The following EPHA4 variants were observed in gnomAD, a reference collection of about 807,000 sequenced individuals.
The protein encoded by EPHA4 is EPH receptor A4.
In EPHA4, 19 loss-of-function variants were observed where a neutral mutation model predicts 108.3. The observed-to-expected ratio is 0.18, with a 90% CI of 0.12 to 0.26. The LOEUF is 0.26. Ranked by LOEUF, EPHA4 falls within the 10% of genes least tolerant of loss-of-function variation. EPHA4 has a pLI of 1.00. For missense variants in EPHA4, 917 were observed against 1,254.0 expected, an observed-to-expected ratio of 0.73 and a Z score of 4.06; for synonymous variants, 449 against 455.5, an observed-to-expected ratio of 0.99 and a Z score of 0.18.
chr2:221,430,806 A>C (rs1690051219), intron 14 of EPHA4, among the ~76,000 whole-genome samples: 2 of 152,212 alleles, frequency 1.3e-5, no homozygotes, highest in Admixed American at 6.5e-5. Flanking sequence ...AAAAAGTAAA[A>C]AACAATTAAA....
intron 3 of EPHA4, among the ~76,000 whole-genome samples, chr2:221,546,492 T>G (rs1017588673): frequency 1.6e-4 from 24 of 152,068 alleles, no homozygotes; most frequent in African/African-American, 5.1e-4. Flanking sequence ...CCCCTCCACC[T>G]CTTCCCATCT....
chr2:221,573,687 A>G (rs1440231933), upstream of EPHA4: 1 of 152,028 alleles, frequency 6.6e-6, no homozygotes, highest in African/African-American at 2.4e-5. The surrounding 1 kb of genome is among the most constrained non-coding windows in gnomAD (Gnocchi z 4.5). Flanking sequence ...TCGTGAGCCA[A>G]CCGCGCCACC....
intron 3 of EPHA4, among the ~76,000 whole-genome samples, chr2:221,547,589 G>A (rs1694035289): frequency 6.6e-6 from 1 of 152,190 alleles, no homozygotes; most frequent in African/African-American, 2.4e-5. Context: ...AATAACACAA[G>A]GGCCACCCAT....
At chr2:221,523,565 G>T (rs1693236331) in intron 3 of EPHA4, among the ~76,000 whole-genome samples, 2 of 151,420 alleles carry the variant, frequency 1.3e-5, no homozygotes. Flanking sequence ...GAGATTACAA[G>T]CATGAGCCAC....
intron 3 of EPHA4, among the ~76,000 whole-genome samples, chr2:221,515,132 G>A (rs896140863): frequency 3.3e-5 from 5 of 152,160 alleles, no homozygotes; most frequent in Non-Finnish European, 7.3e-5. Flanking sequence ...TTTTGCTCTT[G>A]TTGGCCAGGC....
At chr2:221,559,699 T>G (rs1021017888) in intron 3 of EPHA4, among the ~76,000 whole-genome samples, 1 of 152,212 alleles carries the variant, frequency 6.6e-6, no homozygotes, top group Non-Finnish European at 1.5e-5. Flanking sequence ...CGGAAGGAGA[T>G]GTCTGAAGTG....
chr2:221,489,859 A>G (rs982467016), intron 4 of EPHA4, among the ~76,000 whole-genome samples: 6 of 152,090 alleles, frequency 3.9e-5, no homozygotes, highest in Admixed American at 2.6e-4. Flanking sequence ...CCATAGCACT[A>G]TGGCTGAGCA....
intron 15 of EPHA4, among the ~76,000 whole-genome samples, chr2:221,429,232 G>A (rs1690000821): frequency 6.6e-6 from 1 of 152,154 alleles, no homozygotes; most frequent in South Asian, 2.1e-4. Flanking sequence ...TCTTATACCA[G>A]TAAAGTCCAT....
chr2:221,436,755 C>T (rs1185569931), intron 12 of EPHA4, 147 bp from the exon 13 acceptor site: 10 of 852,350 alleles, frequency 1.2e-5, no homozygotes, highest in Middle Eastern at 2.5e-4. Flanking sequence ...TGACCAAAGT[C>T]GCTAATTCAC....
intron 5 of EPHA4, among the ~76,000 whole-genome samples, chr2:221,480,430 T>C (rs951548886): frequency 6.6e-6 from 1 of 152,198 alleles, no homozygotes; most frequent in Non-Finnish European, 1.5e-5. Context: ...CTCCAGATGG[T>C]GCAGAAATCG....
rs536220822 is a variant in EPHA4 at position 221,533,793 on chromosome 2, G to T, written c.823+29938C>A. Among the ~76,000 whole-genome samples the T allele has an allele frequency of 2.2e-5, 3 of 137,630 alleles. No individual in the cohort carries two copies. In the South Asian group the frequency reaches 7.2e-4, roughly 33 times the overall value. 90.3% of individuals were successfully genotyped at this position (137,630 alleles called of 152,430 possible). On this transcript the variant is annotated intron_variant, in intron 3 of 17. Coordinates refer to ENST00000281821, the MANE Select transcript of EPHA4 (RefSeq NM_004438.5). ...ATTCAGATTATAAAGATCAGAGAGA[G>T]AATCTCTCCCTTATGAAAATCCAAA...
intron 1 of EPHA4, chr2:221,569,404 TTCTC>T (rs200655480): frequency 6.7e-6 from 1 of 148,184 alleles, no homozygotes; most frequent in African/African-American, 2.4e-5. Flanking sequence ...ACCGAAAGTA[TTCTC>T]TCTTTCTCAA....
chr2:221,550,983 T>G (rs996651282), intron 3 of EPHA4, among the ~76,000 whole-genome samples: 1 of 152,076 alleles, frequency 6.6e-6, no homozygotes, highest in African/African-American at 2.4e-5. Context: ...AATATGATAT[T>G]AAGAAAATAG....
intron 8 of EPHA4, among the ~76,000 whole-genome samples, chr2:221,450,875 A>T (rs1256430436): frequency 1.3e-5 from 2 of 152,166 alleles, no homozygotes; most frequent in Non-Finnish European, 2.9e-5. Flanking sequence ...CTATTCTTGT[A>T]TTCTAGACTT....
intron 3 of EPHA4, among the ~76,000 whole-genome samples, chr2:221,544,478 A>G (rs1019258738): frequency 6.6e-6 from 1 of 152,072 alleles, no homozygotes. Context: ...GGCATGCACC[A>G]CCAGGCCCTA....
chr2:221,519,126 C>T (rs1039123921), intron 3 of EPHA4, among the ~76,000 whole-genome samples: 6 of 152,102 alleles, frequency 3.9e-5, no homozygotes, highest in Non-Finnish European at 8.8e-5. Flanking sequence ...CTCCCACATA[C>T]AATTCACTTG....
chr2:221,554,556 A>T (rs1225044731), intron 3 of EPHA4, among the ~76,000 whole-genome samples: 2 of 152,182 alleles, frequency 1.3e-5, no homozygotes, highest in Non-Finnish European at 2.9e-5. Flanking sequence ...AAAAATAAGT[A>T]AATTTGGAGA....
At chr2:221,437,276 C>A in intron 11 of EPHA4, 154 bp from the exon 12 acceptor site, 1 of 551,094 alleles carries the variant, frequency 1.8e-6, no homozygotes, top group Non-Finnish European at 3.2e-6. Context: ...CTGTGGGGAG[C>A]TAGGAATGAA....
chr2:221,572,050 A>T (rs1694855789), intron 1 of EPHA4, 108 bp downstream of exon 1: 1 of 923,866 alleles, frequency 1.1e-6, no homozygotes, highest in Non-Finnish European at 1.7e-6. Context: ...GGGACGCACC[A>T]TTCACACTGG....
Sources: gnomAD v4.1 joint callset for allele counts (sites outside exome capture counted in the v4.1 genomes callset) on GRCh38, gnomAD v4.1.1 for gene constraint, Gnocchi (gnomAD v3.1) non-coding constraint, MANE v1.5 for transcripts, NCBI Gene and HGNC (gene_info 2026-07-23, HGNC 2026-07-21) for gene names.